NRG1: variants seen among roughly 807,000 people sequenced by gnomAD.
NRG1 encodes the protein pro-neuregulin-1, membrane-bound isoform.
NRG1 carries 18 observed loss-of-function variants against 63.8 expected under a neutral mutation model. That is an observed-to-expected ratio of 0.28 (90% CI 0.19 to 0.42). NRG1 has a LOEUF of 0.42. Among genes scored for constraint, NRG1 ranks in the 10% least tolerant of loss-of-function variants. NRG1 has a pLI of 1.00. For synonymous variants in NRG1, 302 were observed against 301.3 expected (o/e 1.00, Z -0.02); for missense variants, 762 against 814.7 (o/e 0.94, Z 0.79).
At chr8:32,759,281 A>T (rs770679099) in intron 9 of NRG1, 25 bp from the exon 10 acceptor site, 3 of 1,607,952 alleles carry the variant, frequency 1.9e-6, no homozygotes, top group Non-Finnish European at 2.5e-6. Context: ...GTGAATCTTC[A>T]AGTTGTGTCT....
intron 1 of NRG1, among the ~76,000 whole-genome samples, chr8:32,054,310 G>A (rs978542798): frequency 1.3e-5 from 2 of 152,122 alleles, no homozygotes; most frequent in East Asian, 3.9e-4. Flanking sequence ...GAGTTTTTGA[G>A]GGCAGTGGTC....
chr8:32,218,811 C>CG (rs1392965987), intron 1 of NRG1, among the ~76,000 whole-genome samples: 1 of 152,208 alleles, frequency 6.6e-6, no homozygotes, highest in Non-Finnish European at 1.5e-5. Context: ...TGAGCCTCAT[C>CG]TTCTTTGGCT....
chr8:32,684,921 C>T (rs925225837), intron 5 of NRG1, among the ~76,000 whole-genome samples: 1 of 151,860 alleles, frequency 6.6e-6, no homozygotes, highest in Non-Finnish European at 1.5e-5. Context: ...ATATTTTTAA[C>T]TGAACATAAT....
chr8:32,463,874 CTTTTTTTTTTTTTTTT>C (rs756489856), intron 1 of NRG1, among the ~76,000 whole-genome samples: 15 of 42,354 alleles, frequency 3.5e-4, no homozygotes, highest in East Asian at 2.4e-3. Context: ...ACTTAGAATT[CTTTTTTTTTTTTTTTT>C]TTTTTTTTTT....
At chr8:32,567,748 T>C (rs1837732461) in intron 1 of NRG1, among the ~76,000 whole-genome samples, 1 of 152,248 alleles carries the variant, frequency 6.6e-6, no homozygotes, top group South Asian at 2.1e-4. Context: ...AAAGTGCCTT[T>C]GAAGTGTCTT....
chr8:32,585,134 A>G (rs1841370751), intron 1 of NRG1, among the ~76,000 whole-genome samples: 1 of 152,334 alleles, frequency 6.6e-6, no homozygotes, highest in Non-Finnish European at 1.5e-5. Context: ...AATTTTTAGT[A>G]ACTAGATGTT....
chr8:32,758,492 G>T (rs1830065408), intron 9 of NRG1, among the ~76,000 whole-genome samples: 1 of 135,294 alleles, frequency 7.4e-6, no homozygotes, highest in Admixed American at 8.6e-5. Flanking sequence ...CAGGAGAATT[G>T]CTTGAACCGG....
intron 1 of NRG1, among the ~76,000 whole-genome samples, chr8:32,275,748 G>A (rs1175126959): frequency 6.6e-6 from 1 of 152,006 alleles, no homozygotes; most frequent in Non-Finnish European, 1.5e-5. Flanking sequence ...GAAACCACAG[G>A]CCTTGATTTA....
At chr8:32,495,169 G>A (rs973515618) in intron 1 of NRG1, among the ~76,000 whole-genome samples, 3 of 152,162 alleles carry the variant, frequency 2.0e-5, no homozygotes, top group Admixed American at 6.5e-5. Flanking sequence ...ATCTCATCTT[G>A]AACTGTAGCT....
chr8:32,229,901 C>T (rs1846734358), intron 1 of NRG1, among the ~76,000 whole-genome samples: 1 of 151,958 alleles, frequency 6.6e-6, no homozygotes, highest in African/African-American at 2.4e-5. Flanking sequence ...GTGGATGGCA[C>T]TGCTCATTAG....
chr8:31,782,262 T>C (rs1819760310), intron 1 of NRG1, among the ~76,000 whole-genome samples: 1 of 152,112 alleles, frequency 6.6e-6, no homozygotes, highest in Non-Finnish European at 1.5e-5. Flanking sequence ...TGGAAAGCAA[T>C]TCCTTCCAAT....
At chr8:31,772,086 T>C (rs924680574) in intron 1 of NRG1, among the ~76,000 whole-genome samples, 1 of 152,244 alleles carries the variant, frequency 6.6e-6, no homozygotes, top group African/African-American at 2.4e-5. Flanking sequence ...CTTGAGTACA[T>C]AAAGTTTTTA....
intron 1 of NRG1, among the ~76,000 whole-genome samples, chr8:31,666,518 C>A (rs187173546): frequency 6.6e-6 from 1 of 152,096 alleles, no homozygotes; most frequent in Non-Finnish European, 1.5e-5. Context: ...ACTTTTTATT[C>A]TGAAGAAAAA....
intron 1 of NRG1, among the ~76,000 whole-genome samples, chr8:32,336,807 A>G (rs1351136449): frequency 6.6e-6 from 1 of 152,044 alleles, no homozygotes; most frequent in Non-Finnish European, 1.5e-5. Context: ...ATGGGGTTTC[A>G]CCATGTTGGC....
intron 1 of NRG1, among the ~76,000 whole-genome samples, chr8:32,529,580 T>C (rs904033830): frequency 6.6e-6 from 1 of 152,218 alleles, no homozygotes; most frequent in Non-Finnish European, 1.5e-5. Flanking sequence ...TTCATATTCT[T>C]ATTCTATAAG....
At chr8:32,553,680 ATCT>A (rs1834572771) in intron 1 of NRG1, among the ~76,000 whole-genome samples, 1 of 152,144 alleles carries the variant, frequency 6.6e-6, no homozygotes, top group South Asian at 2.1e-4. Context: ...AGAATACATA[ATCT>A]TCTCTTTTGG....
At chr8:31,749,190 A>G (rs190388166) in intron 1 of NRG1, among the ~76,000 whole-genome samples, 10 of 152,014 alleles carry the variant, frequency 6.6e-5, no homozygotes, top group Admixed American at 1.3e-4. Context: ...AGAAAAATAC[A>G]TATAAAACAA....
chr8:31,716,054 C>T (rs1311686074), intron 1 of NRG1, among the ~76,000 whole-genome samples: 1 of 152,080 alleles, frequency 6.6e-6, no homozygotes, highest in Non-Finnish European at 1.5e-5. Flanking sequence ...ATGAAATCGA[C>T]ATGAATAATA....
intron 1 of NRG1, among the ~76,000 whole-genome samples, chr8:31,699,683 T>A (rs1319680529): frequency 6.7e-6 from 1 of 150,106 alleles, no homozygotes; most frequent in Non-Finnish European, 1.5e-5. Flanking sequence ...TTTAAAAAGG[T>A]ATTTTATGCT....
Sources: gnomAD v4.1 joint callset for allele counts (sites outside exome capture counted in the v4.1 genomes callset) on GRCh38, gnomAD v4.1.1 for gene constraint, MANE v1.5 for transcripts, NCBI Gene and HGNC (gene_info 2026-07-23, HGNC 2026-07-21) for gene names.